The following INSL6 variants were observed in gnomAD, a reference collection of about 807,000 sequenced individuals.
INSL6 encodes the protein insulin like 6, also known as insulin-like peptide INSL6.
INSL6 carries 16 observed loss-of-function variants against 9.4 expected under a neutral mutation model. The ratio of observed to expected loss-of-function variants is 1.70; its 90% CI spans 1.15 to 2.59. The LOEUF (loss-of-function observed/expected upper bound fraction) is 2.59. INSL6 is among the 30% of genes most tolerant of loss of function. The probability of loss-of-function intolerance (pLI) is 0.00; values close to 1 mark genes in which losing one functional copy is unlikely to be tolerated. For synonymous variants in INSL6, 154 were observed against 96.9 expected (o/e 1.59, Z -3.46); for missense variants, 391 against 257.3 (o/e 1.52, Z -3.56).
chr9:5,099,738 T>C, the INSL6 span: 1 of 152,170 alleles, frequency 6.6e-6, no homozygotes, highest in Non-Finnish European at 1.5e-5. Flanking sequence ...TAATTACCCA[T>C]AACATTAAAG....
At chr9:5,105,398 C>A in the INSL6 span, among the ~76,000 whole-genome samples, 1 of 152,158 alleles carries the variant, frequency 6.6e-6, no homozygotes, top group East Asian at 1.9e-4. Flanking sequence ...CAAACCACTG[C>A]TCAATGAAAT....
the INSL6 span, among the ~76,000 whole-genome samples, chr9:5,050,245 A>T: frequency 6.6e-6 from 1 of 152,216 alleles, no homozygotes; most frequent in African/African-American, 2.4e-5. Flanking sequence ...TTTTATTAAA[A>T]TTGTATCGCA....
the INSL6 span, among the ~76,000 whole-genome samples, chr9:5,056,790 A>G: frequency 6.6e-6 from 1 of 152,158 alleles, no homozygotes; most frequent in Admixed American, 6.6e-5. Flanking sequence ...ATGTGAACAA[A>G]CTGTAGTAAC....
chr9:5,179,944 C>T (rs1825408601), intron 1 of INSL6, among the ~76,000 whole-genome samples: 1 of 152,182 alleles, frequency 6.6e-6, no homozygotes, highest in African/African-American at 2.4e-5. Context: ...ACCACCATGA[C>T]ACACATTTAT....
the INSL6 span, among the ~76,000 whole-genome samples, chr9:5,017,005 A>G: frequency 1.3e-5 from 2 of 152,350 alleles, no homozygotes; most frequent in South Asian, 4.1e-4. Flanking sequence ...AGAAGAATCT[A>G]CATCAAAACC....
the INSL6 span, among the ~76,000 whole-genome samples, chr9:5,032,130 C>A: frequency 3.9e-5 from 6 of 152,240 alleles, no homozygotes; most frequent in Non-Finnish European, 7.3e-5. Flanking sequence ...GGGTCCTACG[C>A]CCACGGAGCC....
chr9:5,132,487 C>T (rs1321273333), intron 3 of INSL6, among the ~76,000 whole-genome samples: 4 of 151,960 alleles, frequency 2.6e-5, no homozygotes, highest in African/African-American at 9.7e-5. Context: ...GCCATTCTCT[C>T]ACAGTTGCTC....
chr9:5,127,454 G>A (rs1824072776), intron 3 of INSL6: 1 of 231,166 alleles, frequency 4.3e-6, no homozygotes. Context: ...TATTTGTATA[G>A]GAAATTTCCC....
intron 3 of INSL6, chr9:5,126,224 T>C: frequency 1.5e-6 from 1 of 671,934 alleles, no homozygotes; most frequent in Non-Finnish European, 2.5e-6. Context: ...TTTGAAAACA[T>C]ACAAAAGCAC....
At chr9:5,123,796 C>T (rs1432811744), downstream of INSL6, among the ~76,000 whole-genome samples, 1 of 151,920 alleles carries the variant, frequency 6.6e-6, no homozygotes, top group Non-Finnish European at 1.5e-5. Flanking sequence ...CTTTTCTCCA[C>T]ACCCTTGCCA....
chr9:5,122,983 A>G, downstream of INSL6: 1 of 1,484,968 alleles, frequency 6.7e-7, no homozygotes, highest in Non-Finnish European at 9.3e-7. Context: ...TGTCTTTTAA[A>G]TGTTATTCAT....
chr9:5,038,646 T>C, the INSL6 span, among the ~76,000 whole-genome samples: 1 of 151,808 alleles, frequency 6.6e-6, no homozygotes, highest in African/African-American at 2.4e-5. Context: ...TATACGCTGG[T>C]TGAACATACC....
At chr9:5,036,028 C>T in the INSL6 span, among the ~76,000 whole-genome samples, 1 of 152,212 alleles carries the variant, frequency 6.6e-6, no homozygotes, top group Non-Finnish European at 1.5e-5. Context: ...GCAACTTCAG[C>T]AAAGTCTCAG....
At chr9:5,109,175 T>G in the INSL6 span, 1 of 152,172 alleles carries the variant, frequency 6.6e-6, no homozygotes, top group African/African-American at 2.4e-5. Flanking sequence ...GAGGGACACT[T>G]ACATATTACA....
chr9:5,066,157 T>G, the INSL6 span, among the ~76,000 whole-genome samples: 1 of 152,174 alleles, frequency 6.6e-6, no homozygotes, highest in African/African-American at 2.4e-5. Context: ...TGCTTTTCTT[T>G]CAGGGTGTGC....
intron 2 of INSL6, among the ~76,000 whole-genome samples, chr9:5,157,992 C>T (rs372165594): frequency 2.0e-5 from 3 of 151,932 alleles, no homozygotes; most frequent in African/African-American, 7.2e-5. Flanking sequence ...ATAAATTTAA[C>T]AAAGAAATTG....
the INSL6 span, among the ~76,000 whole-genome samples, chr9:5,083,038 A>C: frequency 6.6e-6 from 1 of 152,258 alleles, no homozygotes; most frequent in Non-Finnish European, 1.5e-5. Context: ...TGTAATGTGC[A>C]TGAACATCTT....
the INSL6 span, among the ~76,000 whole-genome samples, chr9:5,104,164 T>C: frequency 1.4e-4 from 22 of 152,166 alleles, no homozygotes; most frequent in African/African-American, 4.3e-4. Context: ...GATACACTGC[T>C]AGCAAGACTA....
chr9:5,044,161 C>T, the INSL6 span, among the ~76,000 whole-genome samples: 1 of 152,118 alleles, frequency 6.6e-6, no homozygotes, highest in East Asian at 1.9e-4. Context: ...CCTACTATTG[C>T]TTCTACATTT....
Sources: allele counts gnomAD v4.1 joint callset (sites outside exome capture counted in the v4.1 genomes callset), GRCh38; gene constraint gnomAD v4.1.1; transcripts MANE v1.5; gene names NCBI Gene and HGNC (gene_info 2026-07-23, HGNC 2026-07-21).